Variants in FSHR observed in about 807,000 individuals in gnomAD.
FSHR encodes follicle stimulating hormone receptor.
In FSHR, 46 loss-of-function variants were observed where a neutral mutation model predicts 52.1. The observed-to-expected ratio is 0.88, with a 90% CI of 0.70 to 1.13. The LOEUF is 1.13. FSHR is among the 50% of genes most tolerant of loss of function. The pLI, the probability that FSHR is intolerant of heterozygous loss-of-function variation, is 0.00. For synonymous variants in FSHR, 399 were observed against 309.6 expected, an observed-to-expected ratio of 1.29 and a Z score of -3.03; for missense variants, 964 against 834.6, an observed-to-expected ratio of 1.16 and a Z score of -1.91.
chr2:49,135,440 A>T (rs904185180), intron 1 of FSHR, among the ~76,000 whole-genome samples: 4 of 152,300 alleles, frequency 2.6e-5, no homozygotes, highest in African/African-American at 9.6e-5. Flanking sequence ...ATAACATACT[A>T]AACTTATGGA....
At chr2:49,019,080 T>C (rs1201519203) in intron 3 of FSHR, among the ~76,000 whole-genome samples, 1 of 152,236 alleles carries the variant, frequency 6.6e-6, no homozygotes, top group Admixed American at 6.5e-5. Context: ...CTTAAATGTG[T>C]TCCATGGGGA....
At chr2:49,076,054 T>C (rs1025047062) in intron 1 of FSHR, among the ~76,000 whole-genome samples, 1 of 152,182 alleles carries the variant, frequency 6.6e-6, no homozygotes, top group Non-Finnish European at 1.5e-5. Context: ...TATTAACAAA[T>C]TGTGTTGGTA....
intron 5 of FSHR, among the ~76,000 whole-genome samples, chr2:48,989,508 C>T (rs148496757): frequency 3.2e-4 from 49 of 152,210 alleles, no homozygotes; most frequent in African/African-American, 1.1e-3. Context: ...GTGTCAAACC[C>T]TGTGCTTAAG....
Position 49,028,116 on chromosome 2 carries a change from C to T in FSHR, c.225-7956G>A, listed in dbSNP as rs370309195. ...GGCAGAGGCAAAAAAAAGTGAGGTG[C>T]GAGGTTGGAGTAGCCTTTGACATAC... On this transcript the variant is annotated intron_variant, in intron 2 of 9. Transcript: ENST00000406846. 2.8e-3 allele frequency among the ~76,000 whole-genome samples: 428 copies of T among 152,026 alleles called. 3 individuals carry two copies. The highest frequency in any genetic ancestry group is 9.7e-3 in the African/African-American group (403 of 41,452).
rs1033901995 is a variant in FSHR, at chr2:49,036,953, T to C, written c.225-16793A>G. ...TTCAACATGATCAGAACGCTGAGCA[T>C]GCATTGAAGCAAAAAACCAAGGAAA... On this transcript the variant is annotated intron_variant, in intron 2 of 9. Coordinates refer to ENST00000406846, the MANE Select transcript of FSHR (RefSeq NM_000145.4). Among the ~76,000 whole-genome samples, 6 of 152,230 alleles carry C rather than the reference T, an allele frequency of 3.9e-5. No homozygotes were observed. In the East Asian group the frequency reaches 1.2e-3, roughly 29 times the overall value.
intron 8 of FSHR, among the ~76,000 whole-genome samples, chr2:48,975,917 A>G (rs1674966409): frequency 6.6e-6 from 1 of 152,176 alleles, no homozygotes; most frequent in Non-Finnish European, 1.5e-5. Context: ...TAAATATACA[A>G]TCATGTCATC....
At chr2:48,994,471 T>C (rs1371752624) in intron 4 of FSHR, among the ~76,000 whole-genome samples, 1 of 152,142 alleles carries the variant, frequency 6.6e-6, no homozygotes, top group African/African-American at 2.4e-5. Context: ...GTGCTGAGTT[T>C]AAGGCACTTA....
intron 2 of FSHR, among the ~76,000 whole-genome samples, chr2:49,052,260 C>T (rs1668887601): frequency 1.4e-5 from 2 of 143,620 alleles, no homozygotes; most frequent in Admixed American, 1.4e-4. Context: ...CATGGTCTAT[C>T]AGGTACTAAT....
At chr2:49,123,659 A>G (rs1005852916) in intron 1 of FSHR, among the ~76,000 whole-genome samples, 5 of 152,230 alleles carry the variant, frequency 3.3e-5, no homozygotes, top group Admixed American at 3.3e-4. Context: ...AAAATAAAAT[A>G]CAACTTTAAA....
chr2:49,152,579 T>C (rs143141291), intron 1 of FSHR, among the ~76,000 whole-genome samples: 3 of 152,132 alleles, frequency 2.0e-5, no homozygotes, highest in East Asian at 3.9e-4. Context: ...AAAAAGAAAA[T>C]CTCTCTTCTG....
chr2:49,127,841 C>CTTT (rs1672098182), intron 1 of FSHR, among the ~76,000 whole-genome samples: 1 of 16,216 alleles, frequency 6.2e-5, no homozygotes, highest in African/African-American at 5.1e-4. Flanking sequence ...TCTTCTTCTT[C>CTTT]TTCTTCTTCT....
intron 1 of FSHR, among the ~76,000 whole-genome samples, chr2:49,110,555 A>G (rs181395634): frequency 6.0e-4 from 92 of 152,308 alleles, no homozygotes; most frequent in African/African-American, 2.1e-3. Context: ...AGTTGACTAC[A>G]TATTTGTCAC....
intron 1 of FSHR, among the ~76,000 whole-genome samples, chr2:49,145,015 A>T (rs77154834): frequency 1.1e-3 from 161 of 152,250 alleles, no homozygotes; most frequent in African/African-American, 3.8e-3. Context: ...TGTTAAGATT[A>T]GCTCTGGTCT....
intron 2 of FSHR, among the ~76,000 whole-genome samples, chr2:49,038,626 AAATAATAATAAT>A (rs56326531): frequency 0.019 from 1,340 of 70,604 alleles, 79 homozygotes; most frequent in African/African-American, 0.061. Flanking sequence ...CTCTGTCTCA[AAATAATAATAAT>A]AATAATAATA....
At chr2:49,069,116 G>GA (rs1233698436) in intron 1 of FSHR, among the ~76,000 whole-genome samples, 2 of 152,068 alleles carry the variant, frequency 1.3e-5, no homozygotes, top group African/African-American at 2.4e-5. Context: ...CTCACTAGGG[G>GA]AAAAATCAAA....
intron 2 of FSHR, among the ~76,000 whole-genome samples, chr2:49,042,083 T>C (rs577809643): frequency 3.3e-5 from 5 of 152,252 alleles, no homozygotes; most frequent in Non-Finnish European, 5.9e-5. Context: ...ATGTTGGGGC[T>C]ACAGTGAGCT....
intron 2 of FSHR, 43 bp from the exon 3 acceptor site, chr2:49,020,203 C>T: frequency 2.7e-6 from 4 of 1,481,852 alleles, no homozygotes; most frequent in Non-Finnish European, 3.8e-6. Context: ...TTCAGTTACA[C>T]TCCTTGAATA....
intron 1 of FSHR, among the ~76,000 whole-genome samples, chr2:49,118,090 AAAATGTT>A (rs1671671260): frequency 6.6e-6 from 1 of 152,126 alleles, no homozygotes; most frequent in Non-Finnish European, 1.5e-5. Context: ...CATCTCTTTG[AAAATGTT>A]AATTTGATGG....
rs545621040 is a variant in FSHR at position 48,999,745 on chromosome 2, T to G, written c.375-9108A>C. ...AATAAGGTTAATTAAGCAGCTTGTT[T>G]CCTGCAGGATTCTCAGAGCCTTTAC... On this transcript the variant is annotated intron_variant, in intron 4 of 9. Coordinates refer to ENST00000406846, the MANE Select transcript of FSHR (RefSeq NM_000145.4). 5.0e-4 allele frequency among the ~76,000 whole-genome samples: 76 copies of G among 152,268 alleles called. 1 individual carries two copies. The Middle Eastern group carries it at 0.024, about 48-fold the overall frequency.
Sources: allele counts gnomAD v4.1 joint callset (sites outside exome capture counted in the v4.1 genomes callset), GRCh38; gene constraint gnomAD v4.1.1; transcripts MANE v1.5; gene names NCBI Gene and HGNC (gene_info 2026-07-23, HGNC 2026-07-21).